The following ESR1 variants were observed in gnomAD, a reference collection of about 807,000 sequenced individuals.
The protein encoded by ESR1 is estrogen receptor.
ESR1 carries 12 observed loss-of-function variants against 52.7 expected under a neutral mutation model. The ratio of observed to expected loss-of-function variants is 0.23; its 90% confidence interval spans 0.15 to 0.37. The LOEUF (loss-of-function observed/expected upper bound fraction) is 0.37, where lower values mean the gene tolerates loss of function less well. Ranked by LOEUF, ESR1 falls within the 10% of genes least tolerant of loss-of-function variation. The probability of loss-of-function intolerance (pLI) is 1.00; values close to 1 mark genes in which losing one functional copy is unlikely to be tolerated. For synonymous variants in ESR1, 305 were observed against 316.8 expected (o/e 0.96, Z 0.39); for missense variants, 584 against 779.7 (o/e 0.75, Z 2.99).
chr6:151,695,758 G>A (rs1350928476), intron 1 of ESR1, among the ~76,000 whole-genome samples: 1 of 152,066 alleles, frequency 6.6e-6, no homozygotes, highest in Non-Finnish European at 1.5e-5. Flanking sequence ...TTATTTATTA[G>A]AAGCAATAAC....
intron 2 of ESR1, among the ~76,000 whole-genome samples, chr6:151,751,503 GC>G (rs1399947839): frequency 6.6e-6 from 1 of 152,114 alleles, no homozygotes; most frequent in Non-Finnish European, 1.5e-5. Context: ...TGCTCCGATG[GC>G]AGTTTTGTCA....
intron 2 of ESR1, among the ~76,000 whole-genome samples, chr6:151,769,644 G>A (rs1423094856): frequency 6.6e-6 from 1 of 152,172 alleles, no homozygotes; most frequent in Non-Finnish European, 1.5e-5. Flanking sequence ...GATAGACTGG[G>A]CTACGCAGGG....
At chr6:151,785,355 A>T (rs989948004) in intron 2 of ESR1, among the ~76,000 whole-genome samples, 3 of 152,182 alleles carry the variant, frequency 2.0e-5, no homozygotes, top group Admixed American at 6.5e-5. Flanking sequence ...TTCTGCCAAG[A>T]ATTTATACTT....
chr6:152,086,299 A>G (rs1007975746), intron 6 of ESR1, among the ~76,000 whole-genome samples: 18 of 151,846 alleles, frequency 1.2e-4, no homozygotes, highest in African/African-American at 3.9e-4. Flanking sequence ...GAAAATATAG[A>G]TCCGTAATGG....
intron 5 of ESR1, among the ~76,000 whole-genome samples, chr6:152,049,100 A>T (rs564543016): frequency 2.6e-5 from 4 of 152,190 alleles, no homozygotes; most frequent in Non-Finnish European, 5.9e-5. Flanking sequence ...TCCTCTAGGG[A>T]CTTACTTTAG....
intron 2 of ESR1, among the ~76,000 whole-genome samples, chr6:151,854,690 T>G (rs9340820): frequency 0.07 from 10,669 of 152,112 alleles, 818 homozygotes; most frequent in East Asian, 0.24. Context: ...GCACCCAAGG[T>G]TGGGTGGCTA....
chr6:151,908,930 G>A (rs112950253), intron 3 of ESR1, among the ~76,000 whole-genome samples: 2,112 of 151,750 alleles, frequency 0.014, 18 homozygotes, highest in Non-Finnish European at 0.021. Context: ...TTTGTTTTTG[G>A]AGAGATTCTG....
chr6:151,691,982 C>T (rs1186882419), intron 1 of ESR1, among the ~76,000 whole-genome samples: 1 of 152,056 alleles, frequency 6.6e-6, no homozygotes, highest in Non-Finnish European at 1.5e-5. Flanking sequence ...CAAATAAAAA[C>T]AATGTAGGTA....
At chr6:151,902,110 A>G (rs922969546) in intron 3 of ESR1, among the ~76,000 whole-genome samples, 1 of 152,242 alleles carries the variant, frequency 6.6e-6, no homozygotes, top group Non-Finnish European at 1.5e-5. Flanking sequence ...CATTTACTAC[A>G]TGAAGGTGTT....
At chr6:151,764,700 G>A (rs1402980721) in intron 2 of ESR1, among the ~76,000 whole-genome samples, 2 of 152,166 alleles carry the variant, frequency 1.3e-5, no homozygotes, top group African/African-American at 4.8e-5. Flanking sequence ...ACCATTTTAA[G>A]ATGTCTATCA....
At chr6:151,976,513 T>C (rs2039452151) in intron 4 of ESR1, among the ~76,000 whole-genome samples, 1 of 152,012 alleles carries the variant, frequency 6.6e-6, no homozygotes, top group African/African-American at 2.4e-5. Context: ...GTTTTAGAGG[T>C]TCTATGTGTC....
intron 2 of ESR1, among the ~76,000 whole-genome samples, chr6:151,879,633 T>C (rs143495573): frequency 3.3e-4 from 50 of 152,236 alleles, no homozygotes; most frequent in African/African-American, 1.1e-3. Context: ...AACGAACATC[T>C]TTTGAGTGTT....
chr6:152,054,296 C>T (rs2046929833), intron 5 of ESR1, among the ~76,000 whole-genome samples: 1 of 152,060 alleles, frequency 6.6e-6, no homozygotes, highest in Admixed American at 6.5e-5. Context: ...ATCATCTTTC[C>T]ATCCATCCTA....
At chr6:152,018,944 G>A (rs554985409) in intron 5 of ESR1, among the ~76,000 whole-genome samples, 2 of 152,274 alleles carry the variant, frequency 1.3e-5, no homozygotes, top group African/African-American at 2.4e-5. Flanking sequence ...AATACAGATA[G>A]GAAAGAGTTT....
chr6:151,681,022 G>T (rs1158380398), intron 1 of ESR1, among the ~76,000 whole-genome samples: 1 of 152,110 alleles, frequency 6.6e-6, no homozygotes, highest in Non-Finnish European at 1.5e-5. Context: ...CTCCTTACCT[G>T]TTCTGCCCAC....
chr6:151,724,293 ATGAAG>A (rs1397035377), intron 2 of ESR1, among the ~76,000 whole-genome samples: 4 of 152,136 alleles, frequency 2.6e-5, no homozygotes, highest in Non-Finnish European at 5.9e-5. Flanking sequence ...AAACAGAGAA[ATGAAG>A]TGAAGGCTAT....
intron 4 of ESR1, among the ~76,000 whole-genome samples, chr6:151,951,203 T>C (rs2036285562): frequency 6.6e-6 from 1 of 152,214 alleles, no homozygotes; most frequent in Non-Finnish European, 1.5e-5. Context: ...CTTTGATGCA[T>C]TTGAATTCAT....
chr6:152,112,164 G>A (rs2051153839), intron 6 of ESR1, among the ~76,000 whole-genome samples: 1 of 152,160 alleles, frequency 6.6e-6, no homozygotes, highest in Non-Finnish European at 1.5e-5. Flanking sequence ...AGAAAGACCT[G>A]AACCCAAAAA....
rs1407474310 is a variant in ESR1 at position 152,101,473 on chromosome 6, TA to T, written c.*2508del. 1 of 232,644 alleles carries T rather than the reference TA, an allele frequency of 4.3e-6. No individual in the cohort carries two copies. Among genetic ancestry groups the T allele is most frequent in the African/African-American group, 2.2e-5 (1 of 45,332 alleles). The allele number at this position is 232,644 out of a possible 1,614,324, so 14.4% of individuals were successfully genotyped here. ...TTACATTATTCATCCAATGTGTTTC[TA>T]TTCATGTTAAGATACTACTACATTT... On this transcript the variant is annotated 3_prime_UTR_variant, in exon 8 of 8. Transcript: ENST00000206249.
Sources: gnomAD v4.1 joint callset for allele counts (sites outside exome capture counted in the v4.1 genomes callset) on GRCh38, gnomAD v4.1.1 for gene constraint, MANE v1.5 for transcripts, NCBI Gene and HGNC (gene_info 2026-07-23, HGNC 2026-07-21) for gene names.